BMP5: variants seen among roughly 807,000 people sequenced by gnomAD.
BMP5 encodes bone morphogenetic protein 5.
BMP5 carries 23 observed loss-of-function variants against 46.6 expected under a neutral mutation model. The observed-to-expected ratio is 0.49, with a 90% confidence interval of 0.35 to 0.70. The LOEUF is 0.70. Among genes scored for constraint, BMP5 ranks in the 30% least tolerant of loss-of-function variants. The pLI is 0.00. For missense variants in BMP5, 545 were observed against 565.6 expected (o/e 0.96, Z 0.37); for synonymous variants, 204 against 191.9 (o/e 1.06, Z -0.52).
intron 1 of BMP5, among the ~76,000 whole-genome samples, chr6:55,843,376 A>G (rs749196617): frequency 6.6e-6 from 1 of 152,068 alleles, no homozygotes; most frequent in Admixed American, 6.6e-5. Flanking sequence ...TTTAAGATTA[A>G]GAATACATCT....
At chr6:55,811,655 C>T (rs1776137228) in intron 2 of BMP5, among the ~76,000 whole-genome samples, 1 of 151,794 alleles carries the variant, frequency 6.6e-6, no homozygotes, top group South Asian at 2.1e-4. Context: ...CTCTCTGTCT[C>T]TCTCTCTCTC....
chr6:55,801,153 G>C (rs575858313), intron 2 of BMP5, among the ~76,000 whole-genome samples: 1 of 152,186 alleles, frequency 6.6e-6, no homozygotes, highest in South Asian at 2.1e-4. Flanking sequence ...ACTGTGTATC[G>C]TTTGGGATTA....
intron 4 of BMP5, among the ~76,000 whole-genome samples, chr6:55,766,760 A>G (rs1174436262): frequency 1.3e-5 from 2 of 151,974 alleles, no homozygotes; most frequent in African/African-American, 4.8e-5. Flanking sequence ...ATAATTTCCT[A>G]GCTGATACCA....
rs949319521 is a variant in BMP5, at chr6:55,852,549, T to C, written c.490+21827A>G. The stretch of plus-strand genomic sequence containing the variant: ...CTGTCATTGGTATGTAATATTTTCA[T>C]CATAGTCTCTGAGTGCTCTTTACAT... On this transcript the variant is annotated intron_variant, in intron 1 of 6. Transcript: ENST00000370830. Among the ~76,000 whole-genome samples the C allele has an allele frequency of 3.9e-5, 6 of 152,294 alleles. 1 individual carries two copies. Among genetic ancestry groups the C allele is most frequent in the Admixed American group, 1.3e-4 (2 of 15,296 alleles).
intron 3 of BMP5, among the ~76,000 whole-genome samples, chr6:55,788,858 T>C (rs1421890233): frequency 2.0e-5 from 3 of 151,952 alleles, no homozygotes; most frequent in Non-Finnish European, 4.4e-5. Context: ...ATCAAAACTT[T>C]AAATTCTAAG....
chr6:55,873,253 T>C (rs2127557166), intron 1 of BMP5, among the ~76,000 whole-genome samples: 1 of 152,092 alleles, frequency 6.6e-6, no homozygotes, highest in African/African-American at 2.4e-5. Context: ...AAGTTTTTAA[T>C]TAAGTGTTTA....
Position 55,794,357 on chromosome 6 carries a change from T to TTGGGAA in BMP5, c.753_754insTTCCCA (p.Asp251_Ile252insPhePro). Reference sequence around the variant, plus strand: ...ACCCAATGATTGCTGGTCACAGTGATATCAAAGACAAGCCAACCCACATCT... The same window carrying TTGGGAA: ...ACCCAATGATTGCTGGTCACAGTGATTGGGAAATCAAAGACAAGCCAACCCACATCT... On this transcript the variant is annotated inframe_insertion, in exon 3 of 7. Coordinates refer to ENST00000370830, the MANE Select transcript of BMP5 (RefSeq NM_021073.4). The TTGGGAA allele has an allele frequency of 6.2e-7, 1 of 1,614,010 alleles. No homozygotes were observed. The highest frequency in any genetic ancestry group is 8.5e-7 in the Non-Finnish European group (1 of 1,179,910).
intron 2 of BMP5, among the ~76,000 whole-genome samples, chr6:55,808,165 T>C (rs1323323609): frequency 6.6e-6 from 1 of 152,204 alleles, no homozygotes; most frequent in Non-Finnish European, 1.5e-5. Context: ...GTTCTGTCCC[T>C]GAGCACCTGG....
At chr6:55,840,826 T>C (rs1776929024) in intron 1 of BMP5, among the ~76,000 whole-genome samples, 1 of 152,232 alleles carries the variant, frequency 6.6e-6, no homozygotes, top group African/African-American at 2.4e-5. Flanking sequence ...TGCTTAAAGA[T>C]GATGTAACTA....
intron 6 of BMP5, among the ~76,000 whole-genome samples, chr6:55,757,405 A>G (rs1026611160): frequency 1.3e-5 from 2 of 152,010 alleles, no homozygotes; most frequent in Non-Finnish European, 2.9e-5. Flanking sequence ...GTGATCATGA[A>G]GTTCTCTTCA....
intron 1 of BMP5, among the ~76,000 whole-genome samples, chr6:55,870,712 A>G (rs1461391988): frequency 6.6e-6 from 1 of 152,164 alleles, no homozygotes; most frequent in Non-Finnish European, 1.5e-5. Context: ...GTCAACTGAG[A>G]ACATAAAGCA....
In BMP5 at chr6:55,819,837, G is replaced by T. The variant is rs1776366449; in HGVS notation, c.501C>A (p.Asp167Glu). The T allele has an allele frequency of 6.2e-7, 1 of 1,613,122 alleles. No individual in the cohort carries two copies. Among genetic ancestry groups the T allele is most frequent in the Non-Finnish European group, 8.5e-7 (1 of 1,179,588 alleles). ...GCCTTCGCTGGTGAGAAAAATCCTT[G>T]TCTCTTTCAACTGAAAAAATAAAGG... ...VMSFVNLVER[D>E]KDFSHQRRHY... The change falls in exon 2 of 7, where the codon GAC becomes GAA. Residue 167 changes from aspartate to glutamate, a missense_variant. By Grantham distance (45) the Asp-to-Glu change is conservative. Transcript: ENST00000370830.
chr6:55,812,733 C>T (rs1241714416), intron 2 of BMP5, among the ~76,000 whole-genome samples: 3 of 152,102 alleles, frequency 2.0e-5, no homozygotes, highest in Non-Finnish European at 4.4e-5. Flanking sequence ...TTAAAAATAG[C>T]CAGAGGTACT....
chr6:55,791,570 T>A (rs978266741), intron 3 of BMP5, among the ~76,000 whole-genome samples: 1 of 151,994 alleles, frequency 6.6e-6, no homozygotes, highest in African/African-American at 2.4e-5. Context: ...CCATGTAATA[T>A]AAGAGAAAAT....
At position 55,780,470 on chromosome 6, in the gene BMP5, A is replaced by AAAAGAAAG. The variant is rs560608478; in HGVS notation, c.833-6235_833-6228dup. 4.6e-3 allele frequency among the ~76,000 whole-genome samples: 600 copies of AAAAGAAAG among 131,634 alleles called. 8 individuals carry two copies. Among genetic ancestry groups the AAAAGAAAG allele is most frequent in the South Asian group, 0.023 (94 of 4,022 alleles). 86.4% of individuals were successfully genotyped at this position (131,634 alleles called of 152,430 possible). ...CCCATCACTACTAAAAAAAAAAAAA[A>AAAAGAAAG]AAAGAAAGAAAGAAAGAAAGAAAGA... On this transcript the variant is annotated intron_variant, in intron 3 of 6. Transcript: ENST00000370830.
chr6:55,869,234 C>T (rs895684805), intron 1 of BMP5, among the ~76,000 whole-genome samples: 1 of 152,192 alleles, frequency 6.6e-6, no homozygotes, highest in Non-Finnish European at 1.5e-5. Flanking sequence ...GGGTTTTCCC[C>T]TCGAGCTGAT....
intron 1 of BMP5, among the ~76,000 whole-genome samples, chr6:55,833,278 T>C (rs1486657311): frequency 6.6e-6 from 1 of 152,186 alleles, no homozygotes; most frequent in Non-Finnish European, 1.5e-5. Flanking sequence ...AAATTGCTCT[T>C]GTATAGAAAC....
At chr6:55,764,398 C>T (rs1289259654) in intron 4 of BMP5, among the ~76,000 whole-genome samples, 1 of 151,886 alleles carries the variant, frequency 6.6e-6, no homozygotes, top group Non-Finnish European at 1.5e-5. Flanking sequence ...ACGGTGAAAC[C>T]CCGTCTCTAC....
chr6:55,838,641 T>C (rs1228123881), intron 1 of BMP5, among the ~76,000 whole-genome samples: 1 of 152,162 alleles, frequency 6.6e-6, no homozygotes, highest in African/African-American at 2.4e-5. Context: ...AGAAGGTTTT[T>C]AATTTGATGT....
Sources: allele counts gnomAD v4.1 joint callset (sites outside exome capture counted in the v4.1 genomes callset), GRCh38; gene constraint gnomAD v4.1.1; transcripts MANE v1.5; gene names NCBI Gene and HGNC (gene_info 2026-07-23, HGNC 2026-07-21).